The following TRIM9 variants were observed in gnomAD, a reference collection of about 807,000 sequenced individuals.
The protein encoded by TRIM9 is tripartite motif containing 9, also known as E3 ubiquitin-protein ligase TRIM9.
In TRIM9, 26 loss-of-function variants were observed where a neutral mutation model predicts 78.3. The observed-to-expected ratio is 0.33, with a 90% confidence interval of 0.24 to 0.46. The LOEUF is 0.46. Among genes scored for constraint, TRIM9 ranks in the 20% least tolerant of loss-of-function variants. The probability of loss-of-function intolerance (pLI) is 1.00; values close to 1 mark genes in which losing one functional copy is unlikely to be tolerated. For synonymous variants in TRIM9, 398 were observed against 416.5 expected (o/e 0.96, Z 0.54); for missense variants, 787 against 1,036.4 (o/e 0.76, Z 3.30).
At chr14:50,983,625 A>G (rs2052299655) in intron 8 of TRIM9, among the ~76,000 whole-genome samples, 1 of 152,220 alleles carries the variant, frequency 6.6e-6, no homozygotes, top group African/African-American at 2.4e-5. Flanking sequence ...TCTTTTTACC[A>G]TTTAATAAAT....
chr14:51,079,723 AG>A (rs1351771854), intron 1 of TRIM9, among the ~76,000 whole-genome samples: 1 of 152,170 alleles, frequency 6.6e-6, no homozygotes, highest in African/African-American at 2.4e-5. Flanking sequence ...GTCAGGCTGG[AG>A]GTAAAGGGTA....
chr14:50,987,117 A>T (rs2052820660), intron 7 of TRIM9, among the ~76,000 whole-genome samples: 1 of 152,234 alleles, frequency 6.6e-6, no homozygotes, highest in Non-Finnish European at 1.5e-5. Context: ...TAGGAAATAC[A>T]GATGGTAGGA....
chr14:50,976,336 C>G lies in TRIM9; in HGVS notation c.*955G>C, dbSNP rs1188365858. 1 of 152,210 alleles carries G rather than the reference C, an allele frequency of 6.6e-6. No individual in the cohort carries two copies. Among genetic ancestry groups the G allele is most frequent in the Non-Finnish European group, 1.5e-5 (1 of 68,030 alleles). 9.4% of individuals were successfully genotyped at this position (152,210 alleles called of 1,614,324 possible). ...TTCTAGGAAGCCTGAAAGATCTTGC[C>G]CATGAGTCTCTTTGACCCTTGCCCA... On this transcript the variant is annotated 3_prime_UTR_variant, in exon 13 of 13. Coordinates refer to ENST00000684578, the MANE Select transcript of TRIM9 (RefSeq NM_001387360.1).
intron 11 of TRIM9, among the ~76,000 whole-genome samples, chr14:50,980,936 A>G (rs1192967369): frequency 6.6e-6 from 1 of 152,080 alleles, no homozygotes; most frequent in Non-Finnish European, 1.5e-5. Context: ...TTATCCTACC[A>G]ATGTCTGACT....
intron 5 of TRIM9, among the ~76,000 whole-genome samples, chr14:51,003,232 A>C (rs2055319175): frequency 6.6e-6 from 1 of 151,718 alleles, no homozygotes; most frequent in Non-Finnish European, 1.5e-5. Flanking sequence ...TTTACTACGG[A>C]AGATAAATAT....
chr14:50,995,177 T>C (rs1470432073), intron 7 of TRIM9, among the ~76,000 whole-genome samples: 1 of 152,186 alleles, frequency 6.6e-6, no homozygotes, highest in Admixed American at 6.5e-5. Flanking sequence ...TAATAGCATG[T>C]TCTTTATAAT....
chr14:51,005,223 C>G (rs1029329795), intron 5 of TRIM9, among the ~76,000 whole-genome samples: 1 of 152,160 alleles, frequency 6.6e-6, no homozygotes, highest in Non-Finnish European at 1.5e-5. Context: ...GCAGCTTTCC[C>G]CCTATGATTT....
rs997414746 is a variant in TRIM9 at position 50,993,147 on chromosome 14, C to T, written c.1603+4903G>A. 5.3e-5 allele frequency among the ~76,000 whole-genome samples: 8 copies of T among 152,078 alleles called. 1 individual carries two copies. Among genetic ancestry groups the T allele is most frequent in the African/African-American group, 1.9e-4 (8 of 41,388 alleles). ...TAGCTCTGATATTCCTTTTCCTTCC[C>T]GGGCAAATCTCGTCACTGCCAGCCA... On this transcript the variant is annotated intron_variant, in intron 7 of 12. Transcript: ENST00000684578.
chr14:51,084,328 G>C (rs2063569595), intron 1 of TRIM9, among the ~76,000 whole-genome samples: 1 of 152,140 alleles, frequency 6.6e-6, no homozygotes, highest in African/African-American at 2.4e-5. Context: ...CATATTTCTT[G>C]ATTCTTTAAG....
At chr14:51,091,467 G>A (rs191144218) in intron 1 of TRIM9, among the ~76,000 whole-genome samples, 166 of 152,284 alleles carry the variant, frequency 1.1e-3, no homozygotes, top group African/African-American at 3.8e-3. Context: ...ATAGTTCTTT[G>A]CTGTCCTATT....
chr14:51,022,662 C>G (rs1439724303), intron 3 of TRIM9, among the ~76,000 whole-genome samples, 173 bp downstream of exon 3: 1 of 152,166 alleles, frequency 6.6e-6, no homozygotes, highest in Non-Finnish European at 1.5e-5. Flanking sequence ...AATGAAGGAG[C>G]AGGTAGTGAA....
intron 1 of TRIM9, among the ~76,000 whole-genome samples, chr14:51,038,572 A>G (rs2059347361): frequency 6.6e-6 from 1 of 152,240 alleles, no homozygotes; most frequent in Non-Finnish European, 1.5e-5. Flanking sequence ...AAACGACCAC[A>G]AAGAATATAA....
intron 8 of TRIM9, among the ~76,000 whole-genome samples, chr14:50,985,007 C>A (rs2052507966): frequency 6.6e-6 from 1 of 152,128 alleles, no homozygotes; most frequent in Admixed American, 6.5e-5. Context: ...TTCTTCATTC[C>A]AGAATGTGGG....
chr14:51,026,046 A>G (rs1165101581), intron 1 of TRIM9, among the ~76,000 whole-genome samples: 1 of 152,152 alleles, frequency 6.6e-6, no homozygotes, highest in Admixed American at 6.5e-5. Flanking sequence ...GTGTCCAGGT[A>G]GGTACTTGCT....
At position 51,095,082 on chromosome 14, in the gene TRIM9, C is replaced by T; in HGVS notation, c.-143G>A. ...CCTTCCCGCGCAGCACTGGCACGGA[C>T]ACCCAGAGAGGCGCTAGCTCTGTGA... On this transcript the variant is annotated 5_prime_UTR_variant, in exon 1 of 13. Transcript: ENST00000684578. The T allele has an allele frequency of 1.8e-6, 1 of 546,816 alleles. No individual in the cohort carries two copies. Among genetic ancestry groups the T allele is most frequent in the Non-Finnish European group, 2.8e-6 (1 of 351,090 alleles). The allele number at this position is 546,816 out of a possible 1,614,324, so 33.9% of individuals were successfully genotyped here. A position where few individuals can be genotyped will look rare whatever the true frequency, so the allele number is the denominator to read the frequency against.
chr14:51,076,137 G>C (rs769157919), intron 1 of TRIM9, among the ~76,000 whole-genome samples: 2 of 152,142 alleles, frequency 1.3e-5, no homozygotes, highest in Non-Finnish European at 2.9e-5. Flanking sequence ...GTGGTGTGTT[G>C]CCTGTTTCAC....
Position 50,993,086 on chromosome 14 carries a change from T to C in TRIM9, c.1603+4964A>G, listed in dbSNP as rs151091519. Reference sequence around the variant, plus strand: ...CTGAGTGCCAGACCTCATTTGGTAGTAACTTTCATTTGGTAGTATCAGAGC... The same window carrying C: ...CTGAGTGCCAGACCTCATTTGGTAGCAACTTTCATTTGGTAGTATCAGAGC... On this transcript the variant is annotated intron_variant, in intron 7 of 12. Transcript: ENST00000684578. Among the ~76,000 whole-genome samples the C allele has an allele frequency of 2.5e-3, 386 of 152,252 alleles. 3 individuals carry two copies. Among genetic ancestry groups the C allele is most frequent in the African/African-American group, 8.9e-3 (368 of 41,516 alleles).
At chr14:51,049,152 C>T (rs1051224059) in intron 1 of TRIM9, among the ~76,000 whole-genome samples, 2 of 152,140 alleles carry the variant, frequency 1.3e-5, no homozygotes, top group African/African-American at 2.4e-5. Context: ...GCCTCTGTCT[C>T]CCAGGTTTAA....
At chr14:51,005,948 T>C (rs1012276283) in intron 5 of TRIM9, among the ~76,000 whole-genome samples, 1 of 152,220 alleles carries the variant, frequency 6.6e-6, no homozygotes, top group Non-Finnish European at 1.5e-5. Flanking sequence ...GCATTCTTGC[T>C]GAATAGCAGC....
Sources: allele counts gnomAD v4.1 joint callset (sites outside exome capture counted in the v4.1 genomes callset), GRCh38; gene constraint gnomAD v4.1.1; transcripts MANE v1.5; gene names NCBI Gene and HGNC (gene_info 2026-07-23, HGNC 2026-07-21).